The following OCA2 variants were observed in gnomAD, a reference collection of about 807,000 sequenced individuals.
The protein encoded by OCA2 is P protein.
A neutral mutation model predicts 100.2 loss-of-function variants in OCA2; 77 were observed. The observed-to-expected ratio is 0.77, with a 90% CI of 0.64 to 0.93. The LOEUF is 0.93. Ranked by LOEUF, OCA2 falls within the 40% of genes least tolerant of loss-of-function variation. OCA2 has a pLI of 0.00. For missense variants in OCA2, 1,062 were observed against 1,089.1 expected (o/e 0.98, Z 0.35); for synonymous variants, 432 against 439.2 (o/e 0.98, Z 0.21).
rs148580633 is a variant in OCA2, at chr15:27,852,109, A to C, written c.2245-634T>G. On this transcript the variant is annotated intron_variant, in intron 21 of 23. Transcript: ENST00000354638. The stretch of plus-strand genomic sequence containing the variant: ...GCACCATTCTCTAGTCAGCCGTGCC[A>C]GCCTCTGGTGCACCTTTCTGACGTT... 3.5e-3 allele frequency among the ~76,000 whole-genome samples: 531 copies of C among 152,338 alleles called. 2 individuals carry two copies. The highest frequency in any genetic ancestry group is 0.012 in the African/African-American group (510 of 41,592).
At chr15:27,722,345 C>T in the OCA2 span, among the ~76,000 whole-genome samples, 5 of 152,194 alleles carry the variant, frequency 3.3e-5, no homozygotes, top group African/African-American at 1.2e-4. Flanking sequence ...GATCACGTGC[C>T]AAGGTTTTCA....
At chr15:27,999,202 G>GA (rs747234253) in intron 9 of OCA2, among the ~76,000 whole-genome samples, 5 of 152,144 alleles carry the variant, frequency 3.3e-5, no homozygotes, top group Admixed American at 6.5e-5. Flanking sequence ...AGTATAACAA[G>GA]AAAAAATGCT....
At chr15:27,724,370 A>G in the OCA2 span, among the ~76,000 whole-genome samples, 1 of 151,316 alleles carries the variant, frequency 6.6e-6, no homozygotes, top group Non-Finnish European at 1.5e-5. Flanking sequence ...CTTAATCATC[A>G]CCCCTCTGTG....
intron 2 of OCA2, among the ~76,000 whole-genome samples, chr15:28,033,456 A>C (rs2042965219): frequency 6.6e-6 from 1 of 152,192 alleles, no homozygotes; most frequent in Non-Finnish European, 1.5e-5. Context: ...AGACAATAAG[A>C]CTTCTGTGGA....
At chr15:27,970,494 AATATG>A (rs2040739084) in intron 14 of OCA2, among the ~76,000 whole-genome samples, 1 of 152,046 alleles carries the variant, frequency 6.6e-6, no homozygotes, top group Admixed American at 6.5e-5. Context: ...ATGGTGGGAA[AATATG>A]AAGAAGGTCC....
intron 11 of OCA2, among the ~76,000 whole-genome samples, chr15:27,988,218 G>A (rs1043064331): frequency 2.6e-5 from 4 of 152,026 alleles, no homozygotes; most frequent in Middle Eastern, 3.4e-3. Context: ...TGGTTGTAAC[G>A]ACCCTGTACC....
intron 23 of OCA2, among the ~76,000 whole-genome samples, chr15:27,844,087 C>A (rs532736889): frequency 6.6e-6 from 1 of 152,330 alleles, no homozygotes; most frequent in South Asian, 2.1e-4. Context: ...TGCCCCCTCA[C>A]CTGTTTGCAA....
At chr15:28,094,622 C>T in intron 1 of OCA2, among the ~76,000 whole-genome samples, 1 of 152,254 alleles carries the variant, frequency 6.6e-6, no homozygotes, top group East Asian at 1.9e-4. Context: ...CACACTCAAC[C>T]CCAAATCGTT....
At chr15:27,735,742 A>G in the OCA2 span, among the ~76,000 whole-genome samples, 1 of 152,004 alleles carries the variant, frequency 6.6e-6, no homozygotes, top group South Asian at 2.1e-4. Flanking sequence ...CAAAACAAAA[A>G]AACAAAAAAA....
At chr15:27,934,675 C>A (rs1054487562) in intron 18 of OCA2, among the ~76,000 whole-genome samples, 2 of 152,142 alleles carry the variant, frequency 1.3e-5, no homozygotes, top group Non-Finnish European at 2.9e-5. Flanking sequence ...GCTGGAAGGT[C>A]CTTTAGGGCT....
intron 2 of OCA2, among the ~76,000 whole-genome samples, chr15:28,080,373 G>A (rs1465777578): frequency 2.6e-5 from 4 of 152,168 alleles, no homozygotes; most frequent in African/African-American, 9.7e-5. Context: ...CTGAAAAGCC[G>A]CCAACAGGAG....
At chr15:27,841,628 CA>C (rs1282825027) in intron 23 of OCA2, among the ~76,000 whole-genome samples, 1 of 152,066 alleles carries the variant, frequency 6.6e-6, no homozygotes, top group East Asian at 1.9e-4. Flanking sequence ...ATTTAAAATA[CA>C]AAAATAAGCT....
chr15:27,771,496 G>A (rs549209162), intron 23 of OCA2, among the ~76,000 whole-genome samples: 3 of 152,230 alleles, frequency 2.0e-5, no homozygotes, highest in African/African-American at 7.2e-5. Flanking sequence ...GGGGTGCTCC[G>A]TGGCCGCGGG....
At chr15:27,817,176 T>C (rs891719903) in intron 23 of OCA2, among the ~76,000 whole-genome samples, 4 of 152,132 alleles carry the variant, frequency 2.6e-5, no homozygotes, top group Non-Finnish European at 5.9e-5. Flanking sequence ...ATGACCAGTC[T>C]CCTAGTCTAG....
intron 18 of OCA2, among the ~76,000 whole-genome samples, chr15:27,931,149 C>T (rs2140414540): frequency 6.6e-6 from 1 of 152,016 alleles, no homozygotes. Context: ...CTAGGAGAAA[C>T]AGAATACTAT....
At chr15:27,814,556 A>G (rs1032854461) in intron 23 of OCA2, among the ~76,000 whole-genome samples, 4 of 152,200 alleles carry the variant, frequency 2.6e-5, no homozygotes, top group Non-Finnish European at 5.9e-5. Context: ...TTGTATCATC[A>G]TTCTAAGCAT....
At position 27,782,481 on chromosome 15, in the gene OCA2, C is replaced by T. The variant is rs569925223; in HGVS notation, c.2433-27009G>A. The stretch of plus-strand genomic sequence containing the variant: ...AATTGAAAAACCACAGCAAAAATGT[C>T]AACTCACATAAAAGGTGACATTTCT... On this transcript the variant is annotated intron_variant, in intron 23 of 23. Transcript: ENST00000354638. 2.6e-5 allele frequency among the ~76,000 whole-genome samples: 4 copies of T among 152,312 alleles called. No individual in the cohort carries two copies. In the East Asian group the frequency reaches 7.7e-4, roughly 29 times the overall value.
intron 1 of OCA2, among the ~76,000 whole-genome samples, chr15:28,095,382 G>A (rs894626077): frequency 6.6e-6 from 1 of 152,212 alleles, no homozygotes; most frequent in African/African-American, 2.4e-5. Context: ...TCACAGTGGC[G>A]GCGATCAACA....
chr15:28,059,595 TTAAC>T (rs1374233924), intron 2 of OCA2, among the ~76,000 whole-genome samples: 7 of 152,300 alleles, frequency 4.6e-5, no homozygotes, highest in South Asian at 2.1e-4. Context: ...AAATTTGAGA[TTAAC>T]TAAAAGATGT....
Sources: gnomAD v4.1 joint callset for allele counts (sites outside exome capture counted in the v4.1 genomes callset) on GRCh38, gnomAD v4.1.1 for gene constraint, MANE v1.5 for transcripts, NCBI Gene and HGNC (gene_info 2026-07-23, HGNC 2026-07-21) for gene names.